Variants in ITCH observed in about 807,000 individuals in gnomAD.
ITCH encodes itchy E3 ubiquitin protein ligase.
ITCH carries 28 observed loss-of-function variants against 126.8 expected under a neutral mutation model. The ratio of observed to expected loss-of-function variants is 0.22; its 90% confidence interval spans 0.16 to 0.30. ITCH has a LOEUF of 0.30. ITCH is among the 10% of genes least tolerant of loss of function. The probability of loss-of-function intolerance (pLI) is 1.00; values close to 1 mark genes in which losing one functional copy is unlikely to be tolerated. For synonymous variants in ITCH, 342 were observed against 340.0 expected, an observed-to-expected ratio of 1.01 and a Z score of -0.06; for missense variants, 631 against 1,032.4, an observed-to-expected ratio of 0.61 and a Z score of 5.33.
intron 24 of ITCH, among the ~76,000 whole-genome samples, chr20:34,504,775 A>G (rs776343758): frequency 2.0e-5 from 3 of 152,188 alleles, no homozygotes; most frequent in Admixed American, 6.5e-5. Flanking sequence ...CTGACAGCAA[A>G]TATATTAATA....
intron 23 of ITCH, among the ~76,000 whole-genome samples, chr20:34,502,567 G>A (rs1041136008): frequency 2.0e-5 from 3 of 146,896 alleles, no homozygotes; most frequent in Admixed American, 6.8e-5. Context: ...AAAATTAGCC[G>A]GGTGTGGTAG....
intron 2 of ITCH, among the ~76,000 whole-genome samples, chr20:34,388,548 C>T (rs1048556494): frequency 5.9e-5 from 9 of 152,118 alleles, no homozygotes; most frequent in African/African-American, 1.9e-4. Context: ...CCACATCCAG[C>T]TAATTTATTT....
intron 3 of ITCH, among the ~76,000 whole-genome samples, chr20:34,405,157 A>G (rs190973115): frequency 6.0e-5 from 9 of 150,718 alleles, no homozygotes; most frequent in Non-Finnish European, 8.9e-5. Flanking sequence ...AAAAAAAAAA[A>G]AAAAAAAGGT....
Position 34,479,751 on chromosome 20 carries a change from C to T in ITCH, c.1780C>T (p.Leu594=). The T allele has an allele frequency of 6.2e-7, 1 of 1,614,058 alleles. No individual in the cohort carries two copies. Among genetic ancestry groups the T allele is most frequent in the Non-Finnish European group, 8.5e-7 (1 of 1,180,004 alleles). ...NPASYINPDH[L]KYFRFIGRFI... is the part of the protein sequence containing the mutation. ...CGCTTCTTACATCAATCCAGATCAC[C>T]TGAAATATTTTCGTTTTATTGGCAG... The change falls in exon 18 of 25, where the codon CTG becomes TTG. Residue 594 remains leucine (L), a synonymous_variant. Transcript: ENST00000374864.
At chr20:34,475,229 T>C (rs1489893700) in intron 16 of ITCH, among the ~76,000 whole-genome samples, 7 of 151,052 alleles carry the variant, frequency 4.6e-5, no homozygotes, top group Admixed American at 1.3e-4. Flanking sequence ...CAGGCAGAGA[T>C]GCTCCTCACT....
chr20:34,380,341 T>G (rs1369601951), intron 2 of ITCH, among the ~76,000 whole-genome samples: 1 of 152,192 alleles, frequency 6.6e-6, no homozygotes, highest in African/African-American at 2.4e-5. Context: ...AGCAATGACA[T>G]ATTTTTTGTT....
At chr20:34,476,523 C>A in intron 16 of ITCH, 2 of 1,089,518 alleles carry the variant, frequency 1.8e-6, no homozygotes, top group Non-Finnish European at 2.3e-6. Flanking sequence ...TAGTTTTAAC[C>A]TTGTGACATT....
At chr20:34,381,717 C>T (rs1237172639) in intron 2 of ITCH, among the ~76,000 whole-genome samples, 2 of 151,816 alleles carry the variant, frequency 1.3e-5, no homozygotes, top group African/African-American at 2.4e-5. Context: ...TGAGCGACCG[C>T]GCCTGGCGTG....
chr20:34,491,230 G>C (rs1425568779), intron 22 of ITCH, among the ~76,000 whole-genome samples: 1 of 152,054 alleles, frequency 6.6e-6, no homozygotes, highest in Non-Finnish European at 1.5e-5. Context: ...TGAGATTTTT[G>C]GTATGTGCTA....
intron 3 of ITCH, among the ~76,000 whole-genome samples, chr20:34,406,695 C>A (rs550859232): frequency 6.6e-6 from 1 of 151,956 alleles, no homozygotes; most frequent in East Asian, 1.9e-4. Context: ...CCACCACGCC[C>A]GGCTAATTTT....
intron 22 of ITCH, among the ~76,000 whole-genome samples, 160 bp from the exon 23 acceptor site, chr20:34,492,341 C>T (rs1053217913): frequency 6.6e-6 from 1 of 152,134 alleles, no homozygotes; most frequent in African/African-American, 2.4e-5. Flanking sequence ...AGGCTGCAAT[C>T]AGCTATGATT....
intron 4 of ITCH, 96 bp downstream of exon 4, chr20:34,408,888 T>A (rs1978545249): frequency 8.0e-7 from 1 of 1,251,308 alleles, no homozygotes; most frequent in Admixed American, 2.1e-5. Flanking sequence ...TTTTTGTTGT[T>A]GTTGTTCCTC....
chr20:34,400,804 C>T (rs555155977), intron 3 of ITCH, among the ~76,000 whole-genome samples: 1 of 152,184 alleles, frequency 6.6e-6, no homozygotes, highest in East Asian at 1.9e-4. Context: ...GTCACCCAGG[C>T]TGGAGTGCAG....
chr20:34,489,906 CA>C lies in ITCH; in HGVS notation c.2302del (p.Ile768SerfsTer17). On this transcript the variant is annotated frameshift_variant, in exon 22 of 25. Coordinates refer to ENST00000374864, the MANE Select transcript of ITCH (RefSeq NM_031483.7). LOFTEE classifies it high-confidence loss of function. ...IYRHYARTSK[Q>X]IMWFWQFVKE... ...CCGTCATTATGCAAGGACCAGCAAA[CA>C]AATCATGTGGTTTTGGCAGGTTTGT... 6 of 1,613,626 alleles carry C rather than the reference CA, an allele frequency of 3.7e-6. No individual in the cohort carries two copies. The highest frequency in any genetic ancestry group is 5.1e-6 in the Non-Finnish European group (6 of 1,179,638).
chr20:34,439,298 C>T (rs188258360), intron 8 of ITCH, among the ~76,000 whole-genome samples: 133 of 152,122 alleles, frequency 8.7e-4, no homozygotes, highest in Non-Finnish European at 1.6e-3. Flanking sequence ...TTTTTTGAGA[C>T]AGGGTCTCAC....
At chr20:34,383,624 C>T (rs1162904800) in intron 2 of ITCH, among the ~76,000 whole-genome samples, 2 of 151,554 alleles carry the variant, frequency 1.3e-5, no homozygotes, top group African/African-American at 4.8e-5. Context: ...CCTCGGCTTC[C>T]CAAAGTGCTG....
intron 6 of ITCH, among the ~76,000 whole-genome samples, chr20:34,415,720 T>G (rs1979733596): frequency 6.6e-6 from 1 of 152,228 alleles, no homozygotes; most frequent in African/African-American, 2.4e-5. Context: ...ATACATAAAT[T>G]GGAAGTCTGG....
chr20:34,412,441 A>T, intron 4 of ITCH, 74 bp from the exon 5 acceptor site: 2 of 1,187,782 alleles, frequency 1.7e-6, no homozygotes, highest in Non-Finnish European at 2.5e-6. Context: ...TTTAAAACTG[A>T]ATTGTAATTT....
chr20:34,381,701 C>G (rs143942307), intron 2 of ITCH, among the ~76,000 whole-genome samples: 1,611 of 152,006 alleles, frequency 0.011, 40 homozygotes, highest in African/African-American at 0.037. Flanking sequence ...GCTGAGATTA[C>G]AGACGTGAGC....
Sources: allele counts gnomAD v4.1 joint callset (sites outside exome capture counted in the v4.1 genomes callset), GRCh38; gene constraint gnomAD v4.1.1; transcripts MANE v1.5; gene names NCBI Gene and HGNC (gene_info 2026-07-23, HGNC 2026-07-21).